FOCAD: variants seen among roughly 807,000 people sequenced by gnomAD.
FOCAD encodes the protein focadhesin.
Under a neutral mutation model 225.6 loss-of-function variants are expected in FOCAD, and 198 were observed. The observed-to-expected ratio is 0.88, with a 90% CI of 0.78 to 0.99. The LOEUF (loss-of-function observed/expected upper bound fraction) is 0.99, where lower values mean the gene tolerates loss of function less well. Among genes scored for constraint, FOCAD ranks in the 50% least tolerant of loss-of-function variants. The pLI is 0.00. For synonymous variants in FOCAD, 897 were observed against 755.0 expected, an observed-to-expected ratio of 1.19 and a Z score of -3.08; for missense variants, 2,713 against 2,123.6, an observed-to-expected ratio of 1.28 and a Z score of -5.46.
Position 20,923,663 on chromosome 9 carries a change from G to C in FOCAD, c.2856G>C (p.Glu952Asp). 4 of 1,613,480 alleles carry C rather than the reference G, an allele frequency of 2.5e-6. No homozygotes were observed. Among genetic ancestry groups the C allele is most frequent in the Non-Finnish European group, 3.4e-6 (4 of 1,179,572 alleles). The change falls in exon 25 of 44, where the codon GAG (glutamate) becomes GAC (aspartate). Residue 952 changes from glutamate (E) to aspartate (D), a missense_variant. Transcript: ENST00000338382. The stretch of plus-strand genomic sequence containing the variant: ...AAATTTTTTTCCTTTTGAACAGGGA[G>C]AGTCCGGTAGTGAAAGGCAATGCGC... ...TDEITKAAAK[E>D]SPVVKGNALL...
Position 20,948,393 on chromosome 9 carries a change from G to A in FOCAD, c.3798G>A (p.Glu1266=). The part of the protein sequence containing the change: ...LPAWIRIVLT[E]GTPTMLCLAA... ...CCTGGATCAGAATTGTTCTAACAGAGGTAGAGGTCACCTGTTGTATGCTAT... is the reference window on the plus strand; with the variant it reads ...CCTGGATCAGAATTGTTCTAACAGAAGTAGAGGTCACCTGTTGTATGCTAT... Residue 1266 remains glutamate, a splice_region_variant and synonymous_variant, in exon 31 of 44, where the codon GAG becomes GAA. Coordinates refer to ENST00000338382, the MANE Select transcript of FOCAD (RefSeq NM_001375567.1). 6.2e-7 allele frequency: 1 copy of A among 1,609,700 alleles called. No homozygotes were observed. Among genetic ancestry groups the A allele is most frequent in the Non-Finnish European group, 8.5e-7 (1 of 1,177,758 alleles).
chr9:20,662,918 CATAAT>C lies in FOCAD; in HGVS notation c.-78+4094_-78+4098del, dbSNP rs1202106563. 2.0e-5 allele frequency among the ~76,000 whole-genome samples: 3 copies of C among 152,282 alleles called. No individual in the cohort carries two copies. The East Asian group carries it at 5.8e-4, about 29-fold the overall frequency. On this transcript the variant is annotated intron_variant, in intron 2 of 45. Transcript: ENST00000380249. ...AAACTTAAAGGAATAATTCAAATAA[CATAAT>C]AGAAAATTATTTGTATCCAGTTGTC...
intron 35 of FOCAD, among the ~76,000 whole-genome samples, chr9:20,969,908 C>CA (rs1839613776): frequency 6.6e-6 from 1 of 151,662 alleles, no homozygotes; most frequent in Admixed American, 6.6e-5. Flanking sequence ...CAAACTCCCT[C>CA]AACTTTGTTT....
intron 15 of FOCAD, among the ~76,000 whole-genome samples, chr9:20,858,151 A>G (rs1828390759): frequency 2.0e-5 from 3 of 151,992 alleles, no homozygotes; most frequent in African/African-American, 7.2e-5. Context: ...TTTTGGAATA[A>G]TTTGAGTAGG....
chr9:20,971,061 G>A (rs370044112), intron 35 of FOCAD, among the ~76,000 whole-genome samples: 1 of 151,992 alleles, frequency 6.6e-6, no homozygotes, highest in African/African-American at 2.4e-5. Context: ...TCTCAAAATT[G>A]TAAAGTTTGT....
intron 19 of FOCAD, among the ~76,000 whole-genome samples, chr9:20,876,666 G>A (rs933431770): frequency 1.3e-5 from 2 of 152,216 alleles, no homozygotes; most frequent in Non-Finnish European, 1.5e-5. Flanking sequence ...CTGTCACCAT[G>A]GACATTTTTT....
chr9:20,885,163 C>G lies in FOCAD; in HGVS notation c.2558C>G (p.Pro853Arg). 1.3e-6 allele frequency: 2 copies of G among 1,546,420 alleles called. No homozygotes were observed. Among genetic ancestry groups the G allele is most frequent in the African/African-American group, 1.4e-5 (1 of 72,584 alleles). ...VSMYQSKDGK[P>R]LNRLMASRGR... ...ATGTATCAGAGTAAAGATGGAAAAC[C>G]ATTGAACAGACTGATGGCCAGCAGA... Residue 853 changes from proline to arginine, a missense_variant, in exon 21 of 44, where the codon CCA (proline) becomes CGA (arginine). Pro to Arg is a moderately radical substitution (Grantham distance 103). Coordinates refer to ENST00000338382, the MANE Select transcript of FOCAD (RefSeq NM_001375567.1).
intron 5 of FOCAD, among the ~76,000 whole-genome samples, chr9:20,752,489 G>A (rs1001949783): frequency 1.3e-5 from 2 of 152,152 alleles, no homozygotes; most frequent in Non-Finnish European, 2.9e-5. Context: ...CGTTATTTCT[G>A]AGAGCTCTGT....
At chr9:20,686,285 T>C (rs898674273) in intron 1 of FOCAD, among the ~76,000 whole-genome samples, 2 of 152,212 alleles carry the variant, frequency 1.3e-5, no homozygotes, top group South Asian at 2.1e-4. Context: ...GCCTCCTAAG[T>C]AGCTGGGATT....
intron 35 of FOCAD, among the ~76,000 whole-genome samples, chr9:20,961,210 CCTCT>C (rs897996619): frequency 1.3e-4 from 19 of 151,232 alleles, no homozygotes; most frequent in Admixed American, 1.2e-3. Context: ...TCTTTCTCTC[CCTCT>C]CTCTCTCTGT....
intron 1 of FOCAD, among the ~76,000 whole-genome samples, chr9:20,696,218 G>T (rs1055674191): frequency 6.6e-6 from 1 of 152,190 alleles, no homozygotes; most frequent in African/African-American, 2.4e-5. Flanking sequence ...CTGCAGGCAT[G>T]TATCCTTTGA....
intron 4 of FOCAD, among the ~76,000 whole-genome samples, chr9:20,731,413 A>C (rs1164769723): frequency 6.6e-6 from 1 of 152,226 alleles, no homozygotes; most frequent in Non-Finnish European, 1.5e-5. Context: ...GCCTTTTAGA[A>C]ACACAACCAG....
At chr9:20,839,558 G>A (rs1219080328) in intron 15 of FOCAD, among the ~76,000 whole-genome samples, 1 of 152,022 alleles carries the variant, frequency 6.6e-6, no homozygotes, top group Admixed American at 6.6e-5. Context: ...ACTGCAACCA[G>A]CCTGAATTTC....
intron 15 of FOCAD, among the ~76,000 whole-genome samples, chr9:20,843,483 C>T (rs1347713808): frequency 6.6e-6 from 1 of 151,940 alleles, no homozygotes; most frequent in East Asian, 1.9e-4. Context: ...CTTATTGGAA[C>T]GATTTTATAT....
chr9:20,745,570 C>G (rs1034936363), intron 5 of FOCAD, among the ~76,000 whole-genome samples: 1 of 151,996 alleles, frequency 6.6e-6, no homozygotes, highest in Non-Finnish European at 1.5e-5. Context: ...TGTGCTTTTG[C>G]TTTTAATTTT....
intron 42 of FOCAD, among the ~76,000 whole-genome samples, chr9:20,992,174 G>A (rs1421890710): frequency 6.6e-6 from 1 of 152,116 alleles, no homozygotes; most frequent in African/African-American, 2.4e-5. Flanking sequence ...AAATTACCCT[G>A]TATCTAATTC....
intron 4 of FOCAD, among the ~76,000 whole-genome samples, chr9:20,738,372 TTTTGTG>T (rs1357937700): frequency 1.3e-5 from 2 of 152,220 alleles, no homozygotes; most frequent in African/African-American, 2.4e-5. Context: ...TCACTGGCCA[TTTTGTG>T]GGCCAAAGTA....
At chr9:20,959,737 AT>A (rs1192694562) in intron 35 of FOCAD, among the ~76,000 whole-genome samples, 1 of 151,904 alleles carries the variant, frequency 6.6e-6, no homozygotes, top group Non-Finnish European at 1.5e-5. Flanking sequence ...GTGTAGTTTA[AT>A]TTTTCTGTCT....
At chr9:20,976,053 G>C (rs1840203347) in intron 35 of FOCAD, among the ~76,000 whole-genome samples, 1 of 152,102 alleles carries the variant, frequency 6.6e-6, no homozygotes, top group Non-Finnish European at 1.5e-5. Flanking sequence ...CAAATAGCTA[G>C]ATAAAAAGAT....
Sources: gnomAD v4.1 joint callset for allele counts (sites outside exome capture counted in the v4.1 genomes callset) on GRCh38, gnomAD v4.1.1 for gene constraint, MANE v1.5 for transcripts, NCBI Gene and HGNC (gene_info 2026-07-23, HGNC 2026-07-21) for gene names.